The following SELENOI variants were observed in gnomAD, a reference collection of about 807,000 sequenced individuals.
SELENOI encodes selenoprotein I.
In SELENOI, 24 loss-of-function variants were observed where a neutral mutation model predicts 50.7. That is an observed-to-expected ratio of 0.47 (90% confidence interval 0.34 to 0.67). SELENOI has a LOEUF of 0.67. Ranked by LOEUF, SELENOI falls within the 30% of genes least tolerant of loss-of-function variation. SELENOI has a pLI of 0.01. For synonymous variants in SELENOI, 155 were observed against 170.2 expected (o/e 0.91, Z 0.70); for missense variants, 352 against 461.4 (o/e 0.76, Z 2.17).
chr2:26,355,674 A>G (rs1400271060), intron 1 of SELENOI, among the ~76,000 whole-genome samples: 1 of 150,008 alleles, frequency 6.7e-6, no homozygotes, highest in African/African-American at 2.5e-5. Context: ...TATTCACTGA[A>G]ATTAGATCTC....
intron 7 of SELENOI, among the ~76,000 whole-genome samples, chr2:26,384,256 A>G (rs1258315532): frequency 2.0e-5 from 3 of 152,160 alleles, no homozygotes; most frequent in African/African-American, 7.2e-5. Context: ...AATCTTCTTC[A>G]TTTATTTGAG....
At chr2:26,375,014 T>C in intron 5 of SELENOI, 26 bp from the exon 6 acceptor site, 1 of 1,486,632 alleles carries the variant, frequency 6.7e-7, no homozygotes, top group Non-Finnish European at 9.4e-7. Flanking sequence ...TGCTTCTGTA[T>C]GCTTTTGTCT....
At position 26,367,161 on chromosome 2, in the gene SELENOI, A is replaced by C. The variant is rs1429048748; in HGVS notation, c.251A>C (p.His84Pro). The C allele has an allele frequency of 1.2e-6, 2 of 1,610,704 alleles. No individual in the cohort carries two copies. The highest frequency in any genetic ancestry group is 1.7e-5 in the Admixed American group (1 of 59,560). ...TCCTTTTCAGCACCAGGTCACAAGC[A>C]CGTGCCTGACTGGGTTTGGATTGTA... ...DFYASAPGHK[H>P]VPDWVWIVVG... The change falls in exon 4 of 10, where the codon CAC becomes CCC. Residue 84 changes from histidine (H) to proline (P), a missense_variant. His to Pro is a moderately conservative substitution (Grantham distance 77). Transcript: ENST00000260585.
chr2:26,376,091 C>CAAAA (rs57146815), intron 6 of SELENOI, among the ~76,000 whole-genome samples: 1 of 81,244 alleles, frequency 1.2e-5, no homozygotes, highest in Non-Finnish European at 2.8e-5. Flanking sequence ...GACCCTGTCT[C>CAAAA]AAAAAAAAAA....
intron 7 of SELENOI, among the ~76,000 whole-genome samples, chr2:26,383,899 A>G (rs1369846322): frequency 6.6e-6 from 1 of 152,156 alleles, no homozygotes; most frequent in Non-Finnish European, 1.5e-5. Context: ...TAGCAAGATC[A>G]TAAAAATTCT....
At chr2:26,386,000 G>A (rs188213058) in intron 8 of SELENOI, among the ~76,000 whole-genome samples, 1 of 152,128 alleles carries the variant, frequency 6.6e-6, no homozygotes, top group South Asian at 2.1e-4. Context: ...TTAATTGTGT[G>A]GGGGTGTGGG....
In SELENOI at chr2:26,389,309, C is replaced by A; in HGVS notation, c.*206C>A. 4.1e-6 allele frequency: 2 copies of A among 486,774 alleles called. No individual in the cohort carries two copies. Among genetic ancestry groups the A allele is most frequent in the Non-Finnish European group, 7.4e-6 (2 of 271,738 alleles). 30.2% of individuals were successfully genotyped at this position (486,774 alleles called of 1,614,324 possible). On this transcript the variant is annotated 3_prime_UTR_variant, in exon 10 of 10. Transcript: ENST00000260585. Reference sequence around the variant, plus strand: ...TTTTATTTTTTATAAAACTATGTGACATTTTGGTTGAGCAGAATGTACGTT... The same window carrying A: ...TTTTATTTTTTATAAAACTATGTGAAATTTTGGTTGAGCAGAATGTACGTT...
intron 3 of SELENOI, among the ~76,000 whole-genome samples, chr2:26,365,795 CTTTTTTTTTTT>C (rs55900237): frequency 0.38 from 41,111 of 108,864 alleles, 6,779 homozygotes; most frequent in Middle Eastern, 0.44. Context: ...ACACTTAAGA[CTTTTTTTTTTT>C]TTTTTTTTTT....
intron 3 of SELENOI, among the ~76,000 whole-genome samples, chr2:26,366,707 A>G (rs914922206): frequency 3.3e-5 from 5 of 152,240 alleles, no homozygotes; most frequent in Non-Finnish European, 7.4e-5. Context: ...GAGGTGATCT[A>G]TCTATACCCA....
At chr2:26,384,932 T>C (rs777181102) in intron 7 of SELENOI, 27 bp from the exon 8 acceptor site, 15 of 1,529,278 alleles carry the variant, frequency 9.8e-6, no homozygotes, top group Non-Finnish European at 1.3e-5. Context: ...AATAATGTTC[T>C]TTATATTACT....
At chr2:26,360,283 C>T (rs529449000) in intron 1 of SELENOI, among the ~76,000 whole-genome samples, 15 of 152,230 alleles carry the variant, frequency 9.9e-5, no homozygotes, top group South Asian at 2.1e-4. Context: ...GTGTGTAAGG[C>T]GAGAGCACAG....
chr2:26,370,922 C>CAGA (rs1677417621), intron 4 of SELENOI, among the ~76,000 whole-genome samples: 1 of 91,530 alleles, frequency 1.1e-5, no homozygotes, highest in African/African-American at 3.8e-5. Flanking sequence ...GCTGGCCGGG[C>CAGA]GGGGGGCTGA....
intron 6 of SELENOI, among the ~76,000 whole-genome samples, chr2:26,378,708 AG>A (rs1465580016): frequency 1.3e-5 from 2 of 150,146 alleles, no homozygotes; most frequent in Non-Finnish European, 3.0e-5. Flanking sequence ...AGTATTTTCT[AG>A]TACCTTCAAG....
intron 4 of SELENOI, 57 bp from the exon 5 acceptor site, chr2:26,373,310 A>T: frequency 2.0e-6 from 3 of 1,534,494 alleles, no homozygotes; most frequent in Non-Finnish European, 2.6e-6. Context: ...ATTAAAGAAG[A>T]CTTTCTCCAT....
chr2:26,381,975 A>G (rs562850001), intron 6 of SELENOI, among the ~76,000 whole-genome samples: 2 of 152,366 alleles, frequency 1.3e-5, no homozygotes, highest in African/African-American at 4.8e-5. Flanking sequence ...ACAATGGAAC[A>G]TCCAAATGAA....
At chr2:26,371,343 G>A (rs1261324118) in intron 4 of SELENOI, among the ~76,000 whole-genome samples, 2 of 151,888 alleles carry the variant, frequency 1.3e-5, no homozygotes, top group Admixed American at 6.5e-5. Context: ...CAGACGGGGC[G>A]GCGGGGCAGA....
rs1160153598 is a variant in SELENOI, at chr2:26,393,125, T to C, written c.*4022T>C. 1 of 152,668 alleles carries C rather than the reference T, an allele frequency of 6.6e-6. No homozygotes were observed. The highest frequency in any genetic ancestry group is 2.4e-5 in the African/African-American group (1 of 41,460). 9.5% of individuals were successfully genotyped at this position (152,668 alleles called of 1,614,324 possible). On this transcript the variant is annotated 3_prime_UTR_variant, in exon 10 of 10. Coordinates refer to ENST00000260585, the MANE Select transcript of SELENOI (RefSeq NM_033505.4). ...CCCACGTGATTTGCATATTTTAGTT[T>C]TTATGTTTGACAGTGGTACAAATGA...
At chr2:26,374,759 G>A (rs954654380) in intron 5 of SELENOI, among the ~76,000 whole-genome samples, 7 of 151,760 alleles carry the variant, frequency 4.6e-5, no homozygotes, top group Admixed American at 1.3e-4. Flanking sequence ...GTAGAGATGG[G>A]GTTTCTCCAT....
chr2:26,375,075 G>A lies in SELENOI; in HGVS notation c.609G>A (p.Val203=). 3.7e-6 allele frequency: 6 copies of A among 1,613,404 alleles called. No individual in the cohort carries two copies. The highest frequency in any genetic ancestry group is 5.1e-6 in the Non-Finnish European group (6 of 1,179,470). Residue 203 remains valine (V), a synonymous_variant, in exon 6 of 10, where the codon GTG becomes GTA. Transcript: ENST00000260585. The stretch of plus-strand genomic sequence containing the variant: ...TTGTCTACATAGTGACTGCAGTTGT[G>A]GGAGTTGAGGCCTGGTATGAACCTT... ...ISFVYIVTAV[V]GVEAWYEPFL... is the part of the protein sequence containing the mutation.
Sources: allele counts gnomAD v4.1 joint callset (sites outside exome capture counted in the v4.1 genomes callset), GRCh38; gene constraint gnomAD v4.1.1; transcripts MANE v1.5; gene names NCBI Gene and HGNC (gene_info 2026-07-23, HGNC 2026-07-21).